Variants in TFAP2D observed in about 807,000 individuals in gnomAD.
TFAP2D encodes transcription factor AP-2-delta.
Under a neutral mutation model 43.6 loss-of-function variants are expected in TFAP2D, and 9 were observed. The ratio of observed to expected loss-of-function variants is 0.21; its 90% confidence interval spans 0.12 to 0.36. The LOEUF is 0.36. Among genes scored for constraint, TFAP2D ranks in the 10% least tolerant of loss-of-function variants. The probability of loss-of-function intolerance (pLI) is 1.00; values close to 1 mark genes in which losing one functional copy is unlikely to be tolerated. For missense variants in TFAP2D, 513 were observed against 561.4 expected (o/e 0.91, Z 0.87); for synonymous variants, 256 against 224.9 (o/e 1.14, Z -1.24).
chr6:50,771,736 G>A (rs1221151089), intron 7 of TFAP2D, among the ~76,000 whole-genome samples: 5 of 152,136 alleles, frequency 3.3e-5, no homozygotes, highest in Non-Finnish European at 7.3e-5. Flanking sequence ...CATTAAAAAG[G>A]AAACAACAGG....
intron 5 of TFAP2D, among the ~76,000 whole-genome samples, chr6:50,739,407 T>G (rs1222654777): frequency 6.6e-6 from 1 of 152,202 alleles, no homozygotes; most frequent in Non-Finnish European, 1.5e-5. Context: ...GAACTCATCC[T>G]TTTTTATGGC....
Position 50,729,187 on chromosome 6 carries a change from T to C in TFAP2D, c.765-7T>C. ...TCAAAACCTAGTTTTTGTTTGTTTT[T>C]GTACAGAGCAAAATCAAAGAATGGG... On this transcript the variant is annotated splice_region_variant and splice_polypyrimidine_tract_variant and intron_variant, in intron 4 of 7. Coordinates refer to ENST00000008391, the MANE Select transcript of TFAP2D (RefSeq NM_172238.4). The C allele has an allele frequency of 1.2e-6, 2 of 1,613,502 alleles. No homozygotes were observed. The highest frequency in any genetic ancestry group is 2.2e-5 in the East Asian group (1 of 44,882).
chr6:50,717,389 T>C (rs1218235965), intron 2 of TFAP2D, among the ~76,000 whole-genome samples: 1 of 152,232 alleles, frequency 6.6e-6, no homozygotes, highest in Non-Finnish European at 1.5e-5. Context: ...AAGATTCGTT[T>C]CTTCTAAGAA....
intron 3 of TFAP2D, among the ~76,000 whole-genome samples, chr6:50,721,715 C>T (rs1463113526): frequency 6.6e-6 from 1 of 152,184 alleles, no homozygotes; most frequent in African/African-American, 2.4e-5. Context: ...CTAAGAATGT[C>T]TGTTTCTTTT....
intron 7 of TFAP2D, among the ~76,000 whole-genome samples, chr6:50,757,424 A>AAT (rs1212179190): frequency 1.8e-5 from 2 of 113,854 alleles, no homozygotes; most frequent in Non-Finnish European, 3.4e-5. Context: ...CTCTATATAG[A>AAT]ATATATATAG....
chr6:50,726,768 CT>C (rs1483205740), intron 3 of TFAP2D, among the ~76,000 whole-genome samples: 1 of 152,096 alleles, frequency 6.6e-6, no homozygotes, highest in African/African-American at 2.4e-5. Context: ...TTTTGCATCT[CT>C]AAGTACAGAG....
chr6:50,714,964 C>T, intron 1 of TFAP2D, 152 bp from the exon 2 acceptor site: 1 of 1,028,504 alleles, frequency 9.7e-7, no homozygotes, highest in Non-Finnish European at 1.4e-6. Flanking sequence ...GGTGAAGACG[C>T]TGAGACCCGG....
intron 2 of TFAP2D, among the ~76,000 whole-genome samples, 188 bp downstream of exon 2, chr6:50,715,801 A>C (rs1755458119): frequency 6.6e-6 from 1 of 151,402 alleles, no homozygotes; most frequent in Non-Finnish European, 1.5e-5. Context: ...AAGTTATCAA[A>C]ACAATTAGAG....
chr6:50,764,668 C>T (rs1181510242), intron 7 of TFAP2D, among the ~76,000 whole-genome samples: 5 of 152,182 alleles, frequency 3.3e-5, no homozygotes, highest in Admixed American at 2.0e-4. Flanking sequence ...CTTCCCCAGG[C>T]TAGACGCCTC....
intron 3 of TFAP2D, among the ~76,000 whole-genome samples, chr6:50,726,732 C>A (rs560387834): frequency 1.5e-3 from 221 of 152,226 alleles, no homozygotes; most frequent in South Asian, 1.2e-3. Context: ...TTTAAGAAGT[C>A]ATTTAAGATT....
rs547130243 is a variant in TFAP2D, at chr6:50,740,932, C to T, written c.884-4175C>T. 4.7e-3 allele frequency among the ~76,000 whole-genome samples: 713 copies of T among 152,162 alleles called. 3 individuals carry two copies. The highest frequency in any genetic ancestry group is 7.3e-3 in the Non-Finnish European group (497 of 68,002). On this transcript the variant is annotated intron_variant, in intron 5 of 7. Coordinates refer to ENST00000008391, the MANE Select transcript of TFAP2D (RefSeq NM_172238.4). ...ATCAATGAATGTCACTTAAATTTTT[C>T]CTAATATTTCTTCCTAATTTTTTAC...
chr6:50,744,331 G>C (rs1031103224), intron 5 of TFAP2D, among the ~76,000 whole-genome samples: 10 of 152,100 alleles, frequency 6.6e-5, no homozygotes, highest in Non-Finnish European at 1.5e-4. Flanking sequence ...AGTTTACTTA[G>C]GATAATGGCC....
chr6:50,750,754 G>A (rs747341929), intron 6 of TFAP2D, among the ~76,000 whole-genome samples: 6 of 151,956 alleles, frequency 3.9e-5, no homozygotes, highest in Non-Finnish European at 7.4e-5. Context: ...ATAAGAATAT[G>A]AACTCTAATG....
At chr6:50,719,385 C>T (rs1444350388) in intron 3 of TFAP2D, among the ~76,000 whole-genome samples, 2 of 151,424 alleles carry the variant, frequency 1.3e-5, no homozygotes, top group African/African-American at 4.9e-5. Flanking sequence ...TTTGTTGCTC[C>T]TCACAGAACA....
At chr6:50,768,180 C>T (rs1179447151) in intron 7 of TFAP2D, among the ~76,000 whole-genome samples, 2 of 149,148 alleles carry the variant, frequency 1.3e-5, no homozygotes, top group Non-Finnish European at 1.5e-5. Flanking sequence ...GAAGATTTGA[C>T]TATAGTTCGT....
At chr6:50,724,830 G>A (rs907579954) in intron 3 of TFAP2D, among the ~76,000 whole-genome samples, 16 of 152,122 alleles carry the variant, frequency 1.1e-4, no homozygotes, top group African/African-American at 3.9e-4. Context: ...ACCCTGCAAC[G>A]GGGTAGTTGT....
rs1768601866 is a variant in TFAP2D, at chr6:50,715,390, TCC to T, written c.315_316del (p.His106ProfsTer9). The T allele has an allele frequency of 2.2e-5, 35 of 1,613,956 alleles. No individual in the cohort carries two copies. Among genetic ancestry groups the T allele is most frequent in the Non-Finnish European group, 2.9e-5 (34 of 1,180,040 alleles). On this transcript the variant is annotated frameshift_variant, in exon 2 of 8. Coordinates refer to ENST00000008391, the MANE Select transcript of TFAP2D (RefSeq NM_172238.4). LOFTEE classifies it high-confidence loss of function. ...CACTCGCAACAGTACTACCAGCAGA[TCC>T]ACCACGGGGAGCCCACCGACTTTAT... is the stretch of plus-strand genomic sequence containing the variant.
chr6:50,760,205 G>T (rs951790682), intron 7 of TFAP2D, among the ~76,000 whole-genome samples: 1 of 151,930 alleles, frequency 6.6e-6, no homozygotes, highest in Non-Finnish European at 1.5e-5. Flanking sequence ...CTAAGATTCC[G>T]CAGAAGGTCT....
At chr6:50,723,358 C>A (rs1768759692) in intron 3 of TFAP2D, among the ~76,000 whole-genome samples, 2 of 152,202 alleles carry the variant, frequency 1.3e-5, no homozygotes, top group Admixed American at 1.3e-4. Flanking sequence ...AGGCCCAGAG[C>A]CTTGGAATCC....
Sources: gnomAD v4.1 joint callset for allele counts (sites outside exome capture counted in the v4.1 genomes callset) on GRCh38, gnomAD v4.1.1 for gene constraint, MANE v1.5 for transcripts, NCBI Gene and HGNC (gene_info 2026-07-23, HGNC 2026-07-21) for gene names.